Variants in SKAP1 observed in about 807,000 individuals in gnomAD.
SKAP1 encodes the protein src kinase associated phosphoprotein 1, also known as src kinase-associated phosphoprotein 1.
SKAP1 carries 44 observed loss-of-function variants against 58.5 expected under a neutral mutation model. That is an observed-to-expected ratio of 0.75 (90% CI 0.59 to 0.97). SKAP1 has a LOEUF of 0.97. Ranked by LOEUF, SKAP1 falls within the 50% of genes least tolerant of loss-of-function variation. SKAP1 has a pLI of 0.00. For missense variants in SKAP1, 390 were observed against 435.2 expected (o/e 0.90, Z 0.92); for synonymous variants, 127 against 149.7 (o/e 0.85, Z 1.11).
intron 4 of SKAP1, among the ~76,000 whole-genome samples, chr17:48,268,563 T>C (rs2938475): frequency 0.68 from 102,979 of 151,780 alleles, 34,980 homozygotes; most frequent in South Asian, 0.76. Flanking sequence ...GTGATCTCTG[T>C]TCACTGCAAC....
At chr17:48,382,814 C>T (rs959001726) in intron 2 of SKAP1, among the ~76,000 whole-genome samples, 3 of 152,258 alleles carry the variant, frequency 2.0e-5, no homozygotes, top group Non-Finnish European at 4.4e-5. Flanking sequence ...ACTGAACAAC[C>T]AAAAGTATCT....
chr17:48,184,446 G>T lies in SKAP1; in HGVS notation c.567+277C>A, dbSNP rs904018624. Among the ~76,000 whole-genome samples the T allele has an allele frequency of 2.6e-5, 4 of 152,284 alleles. No homozygotes were observed. In the South Asian group the frequency reaches 8.3e-4, roughly 32 times the overall value. On this transcript the variant is annotated intron_variant, in intron 7 of 12. Coordinates refer to ENST00000336915, the MANE Select transcript of SKAP1 (RefSeq NM_003726.4). Reference sequence around the variant, plus strand: ...TAAGTAAGGAATTTGATTGTGTGCTGCAATTGACAAGCATCTCACCTATGA... The same window carrying T: ...TAAGTAAGGAATTTGATTGTGTGCTTCAATTGACAAGCATCTCACCTATGA...
In SKAP1 at chr17:48,354,862, C is replaced by CA. The variant is rs199822820; in HGVS notation, c.179-8857dup. Among the ~76,000 whole-genome samples, 777 of 150,606 alleles carry CA rather than the reference C, an allele frequency of 5.2e-3. 6 individuals are homozygous for CA. Among genetic ancestry groups the CA allele is most frequent in the African/African-American group, 0.017 (717 of 41,086 alleles). ...TACTTACTCACAAAAAAGTTTTAAG[C>CA]AAAAAAAACAAAAAAGCTTGTATTC... On this transcript the variant is annotated intron_variant, in intron 3 of 12. Coordinates refer to ENST00000336915, the MANE Select transcript of SKAP1 (RefSeq NM_003726.4).
chr17:48,335,928 C>T (rs1567872895), intron 4 of SKAP1, among the ~76,000 whole-genome samples: 3 of 152,076 alleles, frequency 2.0e-5, no homozygotes, highest in Admixed American at 6.6e-5. Flanking sequence ...TATGCGTATG[C>T]GTACGCACAG....
At chr17:48,192,997 T>C (rs925481145) in intron 4 of SKAP1, among the ~76,000 whole-genome samples, 9 of 152,192 alleles carry the variant, frequency 5.9e-5, no homozygotes, top group African/African-American at 2.2e-4. Flanking sequence ...GCTTTTTATA[T>C]GGTGTGTTTT....
rs1347062223 is a variant in SKAP1 at position 48,180,148 on chromosome 17, A to G, written c.732T>C (p.Gly244=). 2.0e-5 allele frequency: 32 copies of G among 1,613,840 alleles called. No individual in the cohort carries two copies. In the East Asian group the frequency reaches 4.5e-4, roughly 22 times the overall value. The change falls in exon 9 of 13, where the codon GGT becomes GGC. Residue 244 remains glycine (G), a synonymous_variant. Transcript: ENST00000336915. The part of the protein sequence containing the change: ...DIDGFDSPSC[G]SQCRPTILPG... The stretch of plus-strand genomic sequence containing the variant: ...GCAAGATAGTGGGTCTGCACTGGGA[A>G]CCACAACTTGGGGAGTCAAAACCAT...
At chr17:48,376,648 A>G (rs1045700105) in intron 2 of SKAP1, among the ~76,000 whole-genome samples, 3 of 152,246 alleles carry the variant, frequency 2.0e-5, no homozygotes, top group African/African-American at 7.2e-5. Context: ...CAGTCTCTGT[A>G]TCTCAAGTTA....
At chr17:48,380,041 C>T (rs1386872719) in intron 2 of SKAP1, 6 of 152,154 alleles carry the variant, frequency 3.9e-5, no homozygotes, top group Non-Finnish European at 8.8e-5. Flanking sequence ...CATAAAGTAC[C>T]CAATTATCCA....
intron 4 of SKAP1, among the ~76,000 whole-genome samples, chr17:48,301,239 T>C (rs1267990651): frequency 6.6e-6 from 1 of 152,134 alleles, no homozygotes; most frequent in East Asian, 1.9e-4. Context: ...ACTAGGCTTG[T>C]TTTTAGTAGA....
At chr17:48,423,375 C>T (rs763730328) in intron 1 of SKAP1, among the ~76,000 whole-genome samples, 35 of 152,110 alleles carry the variant, frequency 2.3e-4, no homozygotes, top group Non-Finnish European at 4.1e-4. Context: ...GAACTTCATG[C>T]CCACAGCTAA....
At position 48,259,257 on chromosome 17, in the gene SKAP1, T is replaced by C. The variant is rs1482591714; in HGVS notation, c.281-69757A>G. Among the ~76,000 whole-genome samples the C allele has an allele frequency of 4.6e-5, 7 of 152,220 alleles. No homozygotes were observed. The South Asian group carries it at 1.0e-3, about 23-fold the overall frequency. On this transcript the variant is annotated intron_variant, in intron 4 of 12. Transcript: ENST00000336915. ...AATGAAATCATTAGGCAAAGAGTGG[T>C]CACTGTTACGATAAGAAGAAAAAAT... is the stretch of plus-strand genomic sequence containing the variant.
At chr17:48,381,274 T>C (rs2067211842) in intron 2 of SKAP1, among the ~76,000 whole-genome samples, 1 of 152,166 alleles carries the variant, frequency 6.6e-6, no homozygotes, top group Admixed American at 6.5e-5. Context: ...CAATCAAAAC[T>C]CTTATTTCCA....
intron 11 of SKAP1, among the ~76,000 whole-genome samples, chr17:48,142,624 G>T (rs1033573286): frequency 6.6e-6 from 1 of 152,196 alleles, no homozygotes; most frequent in African/African-American, 2.4e-5. Flanking sequence ...GGCAGAAAGA[G>T]ATCAACTACC....
At chr17:48,162,617 C>T (rs576019395) in intron 10 of SKAP1, 48 bp from the exon 11 acceptor site, 34 of 1,471,246 alleles carry the variant, frequency 2.3e-5, no homozygotes, top group East Asian at 2.3e-4. Context: ...CTATTTTTTC[C>T]GAGGTACCCA....
the SKAP1 span, among the ~76,000 whole-genome samples, chr17:48,440,991 G>A: frequency 6.6e-6 from 1 of 152,154 alleles, no homozygotes; most frequent in African/African-American, 2.4e-5. Flanking sequence ...AGTTTCTTTG[G>A]TCACTTGGAT....
At chr17:48,189,603 C>T (rs2064509538) in intron 4 of SKAP1, 103 bp from the exon 5 acceptor site, 5 of 726,378 alleles carry the variant, frequency 6.9e-6, no homozygotes, top group Non-Finnish European at 1.2e-5. Flanking sequence ...ACAAAAAGGG[C>T]AATTGCTTAA....
At chr17:48,272,644 C>G (rs1376507792) in intron 4 of SKAP1, among the ~76,000 whole-genome samples, 1 of 152,124 alleles carries the variant, frequency 6.6e-6, no homozygotes, top group Non-Finnish European at 1.5e-5. Context: ...CAACCTCTGC[C>G]CATTGGGCTC....
intron 9 of SKAP1, among the ~76,000 whole-genome samples, chr17:48,179,810 T>C (rs1045726687): frequency 6.6e-6 from 1 of 152,198 alleles, no homozygotes; most frequent in African/African-American, 2.4e-5. Flanking sequence ...GGTGGACACA[T>C]GTAAAAAGTT....
At chr17:48,280,203 C>T (rs2065749372) in intron 4 of SKAP1, among the ~76,000 whole-genome samples, 1 of 152,150 alleles carries the variant, frequency 6.6e-6, no homozygotes, top group South Asian at 2.1e-4. Context: ...CGCTATGGCT[C>T]ATGCCTGGAA....
Sources: gnomAD v4.1 joint callset for allele counts (sites outside exome capture counted in the v4.1 genomes callset) on GRCh38, gnomAD v4.1.1 for gene constraint, MANE v1.5 for transcripts, NCBI Gene and HGNC (gene_info 2026-07-23, HGNC 2026-07-21) for gene names.